The following RAD51B variants were observed in gnomAD, a reference collection of about 807,000 sequenced individuals.
The protein encoded by RAD51B is DNA repair protein RAD51 homolog 2.
A neutral mutation model predicts 42.2 loss-of-function variants in RAD51B; 38 were observed. The ratio of observed to expected loss-of-function variants is 0.90; its 90% CI spans 0.70 to 1.18. The LOEUF (loss-of-function observed/expected upper bound fraction) is 1.18. Among genes scored for constraint, RAD51B ranks in the 50% most tolerant of loss-of-function variants. RAD51B has a pLI of 0.00. For missense variants in RAD51B, 373 were observed against 400.7 expected (o/e 0.93, Z 0.59); for synonymous variants, 154 against 145.2 (o/e 1.06, Z -0.43).
chr14:68,431,609 A>G (rs2085008474), intron 9 of RAD51B, among the ~76,000 whole-genome samples: 1 of 151,960 alleles, frequency 6.6e-6, no homozygotes, highest in African/African-American at 2.4e-5. Flanking sequence ...CCCCTTTATC[A>G]TTTTTTATTG....
At chr14:67,954,798 G>A (rs544491862) in intron 7 of RAD51B, among the ~76,000 whole-genome samples, 1 of 152,266 alleles carries the variant, frequency 6.6e-6, no homozygotes, top group East Asian at 1.9e-4. Flanking sequence ...GTAGGCAGAG[G>A]TAAAGGAGTA....
chr14:68,572,672 C>A (rs918053764), intron 10 of RAD51B, among the ~76,000 whole-genome samples: 2 of 152,166 alleles, frequency 1.3e-5, no homozygotes, highest in African/African-American at 4.8e-5. Context: ...TCATCCCTGG[C>A]CTGTGACTTG....
Position 68,438,226 on chromosome 14 carries a change from G to A in RAD51B, c.957+26699G>A, listed in dbSNP as rs140821231. On this transcript the variant is annotated intron_variant, in intron 9 of 10. Transcript: ENST00000471583. ...GGAGGGATTTGAAATAAGATGCAAA[G>A]AAATGAGGGCCTGAACCAAGACAGT... 1.2e-4 allele frequency among the ~76,000 whole-genome samples: 18 copies of A among 152,216 alleles called. No homozygotes were observed. In the East Asian group the frequency reaches 3.5e-3, roughly 29 times the overall value.
chr14:68,279,194 G>A (rs909378339), intron 7 of RAD51B, among the ~76,000 whole-genome samples: 2 of 152,202 alleles, frequency 1.3e-5, no homozygotes, highest in Non-Finnish European at 2.9e-5. Context: ...TGGTGCTAGG[G>A]AGGGCAGGAG....
At chr14:68,302,823 T>C (rs1200680688) in intron 8 of RAD51B, among the ~76,000 whole-genome samples, 2 of 152,236 alleles carry the variant, frequency 1.3e-5, no homozygotes, top group Non-Finnish European at 2.9e-5. Flanking sequence ...ATGCTATTGT[T>C]TGTGGCTTAA....
At chr14:68,414,137 T>C (rs957079005) in intron 9 of RAD51B, among the ~76,000 whole-genome samples, 3 of 152,160 alleles carry the variant, frequency 2.0e-5, no homozygotes, top group African/African-American at 4.8e-5. Context: ...AAGAGCTGAA[T>C]TGTGTTGTCT....
chr14:68,498,906 AC>A (rs1241378053), intron 10 of RAD51B, among the ~76,000 whole-genome samples: 1 of 152,102 alleles, frequency 6.6e-6, no homozygotes, highest in Non-Finnish European at 1.5e-5. Context: ...GGGACTGGGA[AC>A]CCCTGGGCAA....
intron 4 of RAD51B, among the ~76,000 whole-genome samples, chr14:67,850,789 C>T (rs1376669176): frequency 2.0e-5 from 3 of 152,116 alleles, no homozygotes; most frequent in Non-Finnish European, 4.4e-5. Flanking sequence ...GTGCCACAGT[C>T]TCTGTGGGGG....
At chr14:67,827,331 C>T (rs549330768) in intron 3 of RAD51B, among the ~76,000 whole-genome samples, 1 of 152,284 alleles carries the variant, frequency 6.6e-6, no homozygotes, top group African/African-American at 2.4e-5. Flanking sequence ...TTAATTTCTA[C>T]TTCCATCACT....
intron 4 of RAD51B, among the ~76,000 whole-genome samples, chr14:67,842,206 A>T (rs929271239): frequency 6.6e-6 from 1 of 152,162 alleles, no homozygotes; most frequent in African/African-American, 2.4e-5. Context: ...TTATTGGTGT[A>T]TAGAAAAGCT....
chr14:67,972,204 G>C (rs992269613), intron 7 of RAD51B, among the ~76,000 whole-genome samples: 4 of 151,902 alleles, frequency 2.6e-5, no homozygotes, highest in African/African-American at 9.7e-5. Flanking sequence ...GCAGGCAGAA[G>C]ACAGATGAGT....
At chr14:68,520,585 A>T (rs1189088415) in intron 10 of RAD51B, among the ~76,000 whole-genome samples, 3 of 152,240 alleles carry the variant, frequency 2.0e-5, no homozygotes, top group African/African-American at 7.2e-5. Context: ...TCCTCAGGAA[A>T]ACAAGATATG....
At chr14:68,200,174 C>T (rs1357170367) in intron 7 of RAD51B, among the ~76,000 whole-genome samples, 2 of 152,072 alleles carry the variant, frequency 1.3e-5, no homozygotes, top group African/African-American at 4.8e-5. Flanking sequence ...AAGGAGTAAT[C>T]GTCTTCTAGT....
Position 67,942,007 on chromosome 14 carries a change from T to C in RAD51B, c.756+54803T>C, listed in dbSNP as rs554637128. ...TAGAAAACTGTTTGCTTTTTTACTT[T>C]CTGGGTAAGGACTGTTTGCTTTTCT... On this transcript the variant is annotated intron_variant, in intron 7 of 10. Coordinates refer to ENST00000471583, the MANE Select transcript of RAD51B (RefSeq NM_133510.4). 5.9e-5 allele frequency among the ~76,000 whole-genome samples: 9 copies of C among 152,338 alleles called. No homozygotes were observed. The East Asian group carries it at 1.5e-3, about 26-fold the overall frequency.
chr14:68,664,168 C>T (rs1172492721), intron 11 of RAD51B, among the ~76,000 whole-genome samples: 1 of 152,154 alleles, frequency 6.6e-6, no homozygotes, highest in Non-Finnish European at 1.5e-5. Flanking sequence ...GAGAGGCAGT[C>T]AATTCTATCA....
chr14:68,291,165 A>G lies in RAD51B; in HGVS notation c.757-719A>G, dbSNP rs1229147368. ...CAGTAATATCTTAGGTTGTGGTTGC[A>G]ATTTTATTTTATTTTGTTTTTAATT... On this transcript the variant is annotated intron_variant, in intron 7 of 10. Transcript: ENST00000471583. 4.6e-5 allele frequency among the ~76,000 whole-genome samples: 7 copies of G among 151,318 alleles called. No individual in the cohort carries two copies. In the East Asian group the frequency reaches 1.4e-3, roughly 30 times the overall value.
chr14:68,655,188 G>A (rs1454326161), intron 11 of RAD51B, among the ~76,000 whole-genome samples: 2 of 152,002 alleles, frequency 1.3e-5, no homozygotes, highest in Admixed American at 1.3e-4. Context: ...CCACTCTCAG[G>A]AGCCCGGTGC....
intron 10 of RAD51B, among the ~76,000 whole-genome samples, chr14:68,625,869 A>C (rs1211150585): frequency 6.6e-6 from 1 of 151,984 alleles, no homozygotes; most frequent in Non-Finnish European, 1.5e-5. Flanking sequence ...AAATCTAAGC[A>C]GGAGGTTAGC....
intron 7 of RAD51B, among the ~76,000 whole-genome samples, chr14:68,087,716 T>C (rs1372202508): frequency 1.3e-5 from 2 of 150,734 alleles, no homozygotes; most frequent in East Asian, 3.9e-4. Context: ...ATGGTTAGAA[T>C]TGAAGGTCAT....
Sources: gnomAD v4.1 joint callset for allele counts (sites outside exome capture counted in the v4.1 genomes callset) on GRCh38, gnomAD v4.1.1 for gene constraint, MANE v1.5 for transcripts, NCBI Gene and HGNC (gene_info 2026-07-23, HGNC 2026-07-21) for gene names.